The following LRP2 variants were observed in gnomAD, a reference collection of about 807,000 sequenced individuals.
LRP2 encodes LDL receptor related protein 2.
LRP2 carries 172 observed loss-of-function variants against 531.0 expected under a neutral mutation model. The observed-to-expected ratio is 0.32, with a 90% CI of 0.29 to 0.37. LRP2 has a LOEUF of 0.37. Among genes scored for constraint, LRP2 ranks in the 10% least tolerant of loss-of-function variants. The pLI, the probability that LRP2 is intolerant of heterozygous loss-of-function variation, is 1.00. For synonymous variants in LRP2, 1,992 were observed against 2,027.6 expected, an observed-to-expected ratio of 0.98 and a Z score of 0.47; for missense variants, 5,167 against 5,868.3, an observed-to-expected ratio of 0.88 and a Z score of 3.90.
chr2:169,178,498 A>G (rs770246136), intron 52 of LRP2, among the ~76,000 whole-genome samples: 1 of 152,232 alleles, frequency 6.6e-6, no homozygotes. Context: ...ACGTTATTCT[A>G]GGAGATAGTT....
At chr2:169,170,517 A>T (rs771579045) in intron 59 of LRP2, 34 bp downstream of exon 59, 1 of 1,563,746 alleles carries the variant, frequency 6.4e-7, no homozygotes, top group South Asian at 1.1e-5. Context: ...TCACAGTACA[A>T]AATTCTATGG....
chr2:169,243,439 T>C lies in LRP2; in HGVS notation c.3514A>G (p.Lys1172Glu). 6.2e-7 allele frequency: 1 copy of C among 1,614,168 alleles called. No individual in the cohort carries two copies. Among genetic ancestry groups the C allele is most frequent in the Non-Finnish European group, 8.5e-7 (1 of 1,180,026 alleles). ...TCATCAGATCCATCAACACAATCCT[T>C]GTCACCATCACAGACAAACGATAGG... Reference protein sequence around the residue: ...IDLSFVCDGDKDCVDGSDEVG... With the variant: ...IDLSFVCDGDEDCVDGSDEVG... Residue 1172 changes from lysine to glutamate, a missense_variant, in exon 23 of 79, where the codon AAG becomes GAG. Transcript: ENST00000649046.
intron 7 of LRP2, among the ~76,000 whole-genome samples, chr2:169,291,480 A>G (rs1424895238): frequency 6.6e-6 from 1 of 152,226 alleles, no homozygotes; most frequent in Non-Finnish European, 1.5e-5. Flanking sequence ...AACATAAAAC[A>G]TAGTTTTAAC....
chr2:169,255,499 G>A (rs1690268249), intron 19 of LRP2, among the ~76,000 whole-genome samples: 1 of 148,998 alleles, frequency 6.7e-6, no homozygotes, highest in Non-Finnish European at 1.5e-5. Context: ...TTCACTAGTA[G>A]CATGAAATTA....
rs1315769575 is a variant in LRP2, at chr2:169,156,257, A to G, written c.12151+17T>C. 1.2e-6 allele frequency: 2 copies of G among 1,613,282 alleles called. No individual in the cohort carries two copies. The highest frequency in any genetic ancestry group is 1.3e-5 in the African/African-American group (1 of 74,856). ...TTTCCCCAAAAGTCAATTAATCCCA[A>G]CATGAACCCATCATACCCTCAGCTG... On this transcript the variant is annotated intron_variant, in intron 65 of 78. Coordinates refer to ENST00000649046, the MANE Select transcript of LRP2 (RefSeq NM_004525.3).
intron 74 of LRP2, 63 bp from the exon 75 acceptor site, chr2:169,138,769 T>C: frequency 3.1e-6 from 5 of 1,589,648 alleles, no homozygotes; most frequent in Middle Eastern, 1.7e-4. Context: ...AAACAACAAA[T>C]ACAACCTTTC....
intron 62 of LRP2, among the ~76,000 whole-genome samples, chr2:169,163,997 A>C (rs895778856): frequency 6.6e-5 from 10 of 152,190 alleles, no homozygotes; most frequent in Admixed American, 6.5e-5. Context: ...GTGGCCATGT[A>C]ATTTACTCTC....
chr2:169,274,584 A>G (rs1276733500), intron 14 of LRP2, among the ~76,000 whole-genome samples: 1 of 152,220 alleles, frequency 6.6e-6, no homozygotes, highest in Non-Finnish European at 1.5e-5. Context: ...TGCCATACAT[A>G]TGCAACAGAG....
At chr2:169,175,841 A>G (rs758011142) in intron 54 of LRP2, among the ~76,000 whole-genome samples, 2 of 152,244 alleles carry the variant, frequency 1.3e-5, no homozygotes, top group Middle Eastern at 3.4e-3. Context: ...AATCACTACA[A>G]TCGTCTACCT....
intron 77 of LRP2, among the ~76,000 whole-genome samples, chr2:169,129,315 C>T (rs1161955473): frequency 6.6e-6 from 1 of 152,174 alleles, no homozygotes; most frequent in Non-Finnish European, 1.5e-5. Flanking sequence ...ACTTCTTTGA[C>T]TTCAAATTTA....
In LRP2 at chr2:169,239,785, A is replaced by G; in HGVS notation, c.4046-10T>C. 1 of 1,611,824 alleles carries G rather than the reference A, an allele frequency of 6.2e-7. No individual in the cohort carries two copies. The highest frequency in any genetic ancestry group is 8.5e-7 in the Non-Finnish European group (1 of 1,177,912). ...GAGCAGCTGTTCCCATCTAGAAAAA[A>G]GAAAGAGAATAATGAAAAAAGAAAA... On this transcript the variant is annotated splice_polypyrimidine_tract_variant and intron_variant, in intron 25 of 78. Coordinates refer to ENST00000649046, the MANE Select transcript of LRP2 (RefSeq NM_004525.3).
intron 4 of LRP2, among the ~76,000 whole-genome samples, chr2:169,299,118 A>AGAAG (rs1684210988): frequency 1.0e-5 from 1 of 97,386 alleles, no homozygotes; most frequent in African/African-American, 3.8e-5. Flanking sequence ...AAAGAAAGAA[A>AGAAG]GAAAGAAAGA....
At chr2:169,251,105 C>T (rs1411323295) in intron 19 of LRP2, among the ~76,000 whole-genome samples, 2 of 13,800 alleles carry the variant, frequency 1.4e-4, no homozygotes, top group African/African-American at 5.6e-4. Flanking sequence ...AACAAGGATA[C>T]CCAGGAATTG....
rs1574238978 is a variant in LRP2, at chr2:169,305,295, T to C, written c.427+1986A>G. ...AGCATAGGTCTTGCTTTTGCACATA[T>C]ACAAGTATATCTTCCATGAACAGTA... On this transcript the variant is annotated intron_variant, in intron 4 of 78. Coordinates refer to ENST00000649046, the MANE Select transcript of LRP2 (RefSeq NM_004525.3). Among the ~76,000 whole-genome samples the C allele has an allele frequency of 2.0e-5, 3 of 152,276 alleles. No individual in the cohort carries two copies. In the South Asian group the frequency reaches 6.2e-4, roughly 32 times the overall value.
chr2:169,296,023 AT>A (rs1378377420), intron 4 of LRP2, among the ~76,000 whole-genome samples: 1 of 152,156 alleles, frequency 6.6e-6, no homozygotes, highest in African/African-American at 2.4e-5. Context: ...ATTGAAGATA[AT>A]TCTTTGGATA....
chr2:169,209,394 A>G, intron 38 of LRP2, 59 bp downstream of exon 38: 1 of 1,551,920 alleles, frequency 6.4e-7, no homozygotes, highest in Non-Finnish European at 8.9e-7. Context: ...TAAACTTTCT[A>G]GCATAAAATA....
intron 1 of LRP2, among the ~76,000 whole-genome samples, chr2:169,328,348 C>T (rs1282640078): frequency 1.4e-5 from 2 of 145,636 alleles, no homozygotes; most frequent in African/African-American, 2.6e-5. Context: ...CGCCTCTGCC[C>T]GGCCACCCCT....
intron 62 of LRP2, among the ~76,000 whole-genome samples, chr2:169,165,691 CAA>C (rs1007537389): frequency 1.3e-5 from 2 of 152,188 alleles, no homozygotes; most frequent in African/African-American, 4.8e-5. Context: ...AATGTTCAAA[CAA>C]AGACTGAAAA....
chr2:169,352,606 A>G (rs1685878814), intron 1 of LRP2, among the ~76,000 whole-genome samples: 1 of 152,136 alleles, frequency 6.6e-6, no homozygotes, highest in South Asian at 2.1e-4. Context: ...TTCTTTATCT[A>G]GTCTATCACT....
Sources: gnomAD v4.1 joint callset for allele counts (sites outside exome capture counted in the v4.1 genomes callset) on GRCh38, gnomAD v4.1.1 for gene constraint, MANE v1.5 for transcripts, NCBI Gene and HGNC (gene_info 2026-07-23, HGNC 2026-07-21) for gene names.